SNED1: variants seen among roughly 807,000 people sequenced by gnomAD.
SNED1 encodes sushi, nidogen and EGF like domains 1, also known as sushi, nidogen and EGF-like domain-containing protein 1.
A neutral mutation model predicts 166.7 loss-of-function variants in SNED1; 81 were observed. The ratio of observed to expected loss-of-function variants is 0.49; its 90% confidence interval spans 0.41 to 0.58. SNED1 has a LOEUF of 0.58. Ranked by LOEUF, SNED1 falls within the 20% of genes least tolerant of loss-of-function variation. The pLI is 0.00. For synonymous variants in SNED1, 762 were observed against 822.0 expected, an observed-to-expected ratio of 0.93 and a Z score of 1.25; for missense variants, 1,604 against 2,000.2, an observed-to-expected ratio of 0.80 and a Z score of 3.78.
chr2:241,061,707 A>T (rs2062235130), intron 16 of SNED1, among the ~76,000 whole-genome samples: 1 of 152,120 alleles, frequency 6.6e-6, no homozygotes, highest in African/African-American at 2.4e-5. Context: ...CAACATAGTG[A>T]AACCCCATCT....
chr2:241,089,187 CCAT>C, intron 31 of SNED1: 1 of 1,068,066 alleles, frequency 9.4e-7, no homozygotes, highest in Non-Finnish European at 1.3e-6. Context: ...TTCATACTGA[CCAT>C]CATTTTTTAT....
At chr2:241,089,892 G>A (rs2063801910) in intron 31 of SNED1, 2 of 1,504,712 alleles carry the variant, frequency 1.3e-6, no homozygotes, top group Admixed American at 4.6e-5. Flanking sequence ...AATACTGTAG[G>A]CGGTCGTAAC....
chr2:241,049,683 G>C, intron 11 of SNED1, 134 bp from the exon 12 acceptor site: 1 of 649,402 alleles, frequency 1.5e-6, no homozygotes, highest in South Asian at 1.8e-5. Context: ...GATGCCCACA[G>C]AGTGTATTTT....
At chr2:241,025,016 A>G (rs1270124274) in intron 1 of SNED1, among the ~76,000 whole-genome samples, 1 of 152,088 alleles carries the variant, frequency 6.6e-6, no homozygotes, top group Non-Finnish European at 1.5e-5. Context: ...GAATATGGAC[A>G]CTGTTTCTAT....
chr2:241,063,789 G>T, intron 18 of SNED1, 89 bp downstream of exon 18: 3 of 1,037,458 alleles, frequency 2.9e-6, no homozygotes, highest in Non-Finnish European at 4.2e-6. Context: ...ATTCCCTGCT[G>T]GGCAGGCCAC....
At chr2:241,023,103 TATAC>T (rs1295153011) in intron 1 of SNED1, among the ~76,000 whole-genome samples, 1 of 152,128 alleles carries the variant, frequency 6.6e-6, no homozygotes, top group East Asian at 1.9e-4. Context: ...AGGAGTTTAT[TATAC>T]ATGATTTTAT....
chr2:241,026,721 G>A (rs961587689), intron 1 of SNED1, among the ~76,000 whole-genome samples: 2 of 151,868 alleles, frequency 1.3e-5, no homozygotes, highest in African/African-American at 4.8e-5. Context: ...GTGCTTTTCT[G>A]TCAAGTTTTT....
chr2:241,065,877 C>T (rs1486471296), intron 21 of SNED1, among the ~76,000 whole-genome samples: 1 of 144,822 alleles, frequency 6.9e-6, no homozygotes, highest in Admixed American at 6.9e-5. Context: ...GGAAGTGGGA[C>T]TGGGGAGGAA....
In SNED1 at chr2:241,095,459, A is replaced by G. The variant is rs1360622753; in HGVS notation, c.*3823A>G. 6.4e-6 allele frequency: 1 copy of G among 157,042 alleles called. No individual in the cohort carries two copies. Among genetic ancestry groups the G allele is most frequent in the African/African-American group, 2.4e-5 (1 of 41,482 alleles). The allele number at this position is 157,042 out of a possible 1,614,324, so 9.7% of individuals were successfully genotyped here. A position where few individuals can be genotyped will look rare whatever the true frequency, so the allele number is the denominator to read the frequency against. Reference sequence around the variant, plus strand: ...ATTAACTTCTTTTACTCTGCTGTGCACTGAATACCATTATGAAGCAATATA... The same window carrying G: ...ATTAACTTCTTTTACTCTGCTGTGCGCTGAATACCATTATGAAGCAATATA... On this transcript the variant is annotated 3_prime_UTR_variant, in exon 32 of 32. Transcript: ENST00000310397.
chr2:241,040,099 A>G lies in SNED1; in HGVS notation c.1070A>G (p.Glu357Gly). 6.3e-7 allele frequency: 1 copy of G among 1,593,620 alleles called. No individual in the cohort carries two copies. The highest frequency in any genetic ancestry group is 8.5e-7 in the Non-Finnish European group (1 of 1,169,802). ...ETAQSPCDTK[E>G]CQHGGQCQVE... ...GCCCAATCCCCCTGTGACACCAAAG[A>G]GTGTCAACATGGTGGCCAGTGCCAG... The change falls in exon 7 of 32, where the codon GAG (glutamate) becomes GGG (glycine). Residue 357 changes from glutamate to glycine, a missense_variant. By Grantham distance (98) the Glu-to-Gly change is moderately conservative. Around this residue, in one of 2 missense-constraint regions of SNED1, gnomAD observed 1,237 missense variants for 1,620.8 expected, o/e 0.76. Coordinates refer to ENST00000310397, the MANE Select transcript of SNED1 (RefSeq NM_001080437.3).
chr2:241,064,716 GCTGT>G lies in SNED1; in HGVS notation c.2600-126_2600-123del. ...GTGGCAGAACCGAAGGGAGGCAGTA[GCTGT>G]CCTGTGCCCCCCGCCCCTCCACACC... On this transcript the variant is annotated intron_variant, in intron 19 of 31. Transcript: ENST00000310397. The surrounding 1 kb of genome is among the most constrained non-coding windows in gnomAD (Gnocchi z 7.0). 3.2e-6 allele frequency: 2 copies of G among 632,812 alleles called. No homozygotes were observed. The highest frequency in any genetic ancestry group is 7.0e-5 in the Admixed American group (2 of 28,424). The allele number at this position is 632,812 out of a possible 1,614,324, so 39.2% of individuals were successfully genotyped here. A position where few individuals can be genotyped will look rare whatever the true frequency, so the allele number is the denominator to read the frequency against.
At chr2:241,056,782 C>T (rs2062058565) in intron 16 of SNED1, among the ~76,000 whole-genome samples, 2 of 151,112 alleles carry the variant, frequency 1.3e-5, no homozygotes, top group Admixed American at 6.6e-5. Context: ...AGGGTTTCAC[C>T]GTGTTAGCCA....
At chr2:240,998,358 A>G (rs1438658376), upstream of SNED1, among the ~76,000 whole-genome samples, 1 of 152,174 alleles carries the variant, frequency 6.6e-6, no homozygotes, top group Non-Finnish European at 1.5e-5. Context: ...CCTTAGGGAC[A>G]CAGGTCTGTC....
chr2:241,037,000 C>T (rs931802723), intron 5 of SNED1, 85 bp downstream of exon 5: 75 of 1,483,852 alleles, frequency 5.1e-5, no homozygotes, highest in South Asian at 1.1e-4. Flanking sequence ...TGGCCCTGGG[C>T]GCCCAGGGTC....
At chr2:241,026,271 C>T (rs2060966934) in intron 1 of SNED1, among the ~76,000 whole-genome samples, 1 of 152,174 alleles carries the variant, frequency 6.6e-6, no homozygotes, top group African/African-American at 2.4e-5. Context: ...CCACCTCAGC[C>T]TCCCAAAGTG....
rs2062285273 is a variant in SNED1 at position 241,062,812 on chromosome 2, A to G, written c.2279A>G (p.Gln760Arg). 1 of 1,611,068 alleles carries G rather than the reference A, an allele frequency of 6.2e-7. No homozygotes were observed. Among genetic ancestry groups the G allele is most frequent in the South Asian group, 1.1e-5 (1 of 90,184 alleles). ...TCAGAAATCGATGAGTGCCGGTCTC[A>G]GCCGTGCCTGCATGGGGGCTCTTGT... ...QCLEIDECRS[Q>R]PCLHGGSCQD... The change falls in exon 17 of 32, where the codon CAG becomes CGG. Residue 760 changes from glutamine (Q) to arginine (R), a missense_variant. Gln to Arg is a conservative substitution (Grantham distance 43, BLOSUM62 1). Coordinates refer to ENST00000310397, the MANE Select transcript of SNED1 (RefSeq NM_001080437.3).
At chr2:241,036,053 T>TGCGTCACAGGGTGGGGGC (rs2061354476) in intron 4 of SNED1, among the ~76,000 whole-genome samples, 2 of 14,456 alleles carry the variant, frequency 1.4e-4, no homozygotes, top group Non-Finnish European at 2.2e-4. Flanking sequence ...GGGGTGGAGG[T>TGCGTCACAGGGTGGGGGC]GCGTCACAGG....
chr2:241,034,510 C>T, intron 3 of SNED1, 58 bp from the exon 4 acceptor site: 3 of 1,483,736 alleles, frequency 2.0e-6, no homozygotes, highest in South Asian at 2.6e-5. Context: ...AGGGTAACCC[C>T]CACCTCTGTA....
chr2:241,065,684 C>A, intron 21 of SNED1, 89 bp downstream of exon 21: 1 of 1,123,536 alleles, frequency 8.9e-7, no homozygotes, highest in South Asian at 1.5e-5. Flanking sequence ...GGCTGTCATG[C>A]CGTCCACCCT....
Sources: gnomAD v4.1 joint callset for allele counts (sites outside exome capture counted in the v4.1 genomes callset) on GRCh38, gnomAD v4.1.1 for gene constraint, gnomAD v4.1.1 regional missense constraint, Gnocchi (gnomAD v3.1) non-coding constraint, MANE v1.5 for transcripts, NCBI Gene and HGNC (gene_info 2026-07-23, HGNC 2026-07-21) for gene names.